Variants in AUTS2 observed in about 807,000 individuals in gnomAD.
AUTS2 encodes the protein activator of transcription and developmental regulator AUTS2.
Under a neutral mutation model 112.4 loss-of-function variants are expected in AUTS2, and 17 were observed. That is an observed-to-expected ratio of 0.15 (90% CI 0.10 to 0.23). The LOEUF is 0.23. Ranked by LOEUF, AUTS2 falls within the 10% of genes least tolerant of loss-of-function variation. The pLI, the probability that AUTS2 is intolerant of heterozygous loss-of-function variation, is 1.00. For missense variants in AUTS2, 1,510 were observed against 1,701.6 expected (o/e 0.89, Z 1.98); for synonymous variants, 751 against 702.7 (o/e 1.07, Z -1.09).
intron 1 of AUTS2, among the ~76,000 whole-genome samples, chr7:69,731,666 T>G (rs555406588): frequency 6.6e-6 from 1 of 152,380 alleles, no homozygotes; most frequent in South Asian, 2.1e-4. Context: ...TATTCATGGC[T>G]TCAAGAGGTT....
chr7:69,698,480 C>A (rs1044096324), intron 1 of AUTS2, among the ~76,000 whole-genome samples: 1 of 152,138 alleles, frequency 6.6e-6, no homozygotes, highest in African/African-American at 2.4e-5. Flanking sequence ...TGAGTGGCAG[C>A]CTGTCTACCA....
At chr7:70,630,111 A>G (rs1805179017) in intron 5 of AUTS2, among the ~76,000 whole-genome samples, 1 of 152,096 alleles carries the variant, frequency 6.6e-6, no homozygotes, top group African/African-American at 2.4e-5. Flanking sequence ...TGCAGAGGAA[A>G]GGGGTAGGGG....
intron 5 of AUTS2, 110 bp from the exon 6 acceptor site, chr7:70,698,459 G>A: frequency 1.0e-6 from 1 of 957,368 alleles, no homozygotes; most frequent in Non-Finnish European, 1.6e-6. Flanking sequence ...CTGCTTCCCT[G>A]CTAGGCTTTC....
At chr7:70,220,842 G>C (rs1421663412) in intron 4 of AUTS2, among the ~76,000 whole-genome samples, 1 of 152,072 alleles carries the variant, frequency 6.6e-6, no homozygotes, top group Non-Finnish European at 1.5e-5. Flanking sequence ...ACATATAGCA[G>C]TTTTAAAGAA....
chr7:70,076,373 A>G (rs186868855), intron 2 of AUTS2, among the ~76,000 whole-genome samples: 9 of 152,320 alleles, frequency 5.9e-5, no homozygotes, highest in African/African-American at 2.2e-4. Flanking sequence ...AATGAAACTA[A>G]TCTTTTTTTC....
intron 5 of AUTS2, among the ~76,000 whole-genome samples, chr7:70,619,572 A>AAG: frequency 6.6e-6 from 1 of 151,632 alleles, no homozygotes; most frequent in East Asian, 1.9e-4. Flanking sequence ...ATTAAAAAAA[A>AAG]AAAACAGCCA....
At chr7:70,688,038 C>A (rs1808557340) in intron 5 of AUTS2, among the ~76,000 whole-genome samples, 1 of 152,176 alleles carries the variant, frequency 6.6e-6, no homozygotes, top group Admixed American at 6.5e-5. Context: ...GTTCTCCATC[C>A]TAGGACCCTT....
At chr7:70,425,887 C>A (rs995866646) in intron 4 of AUTS2, among the ~76,000 whole-genome samples, 1 of 152,166 alleles carries the variant, frequency 6.6e-6, no homozygotes, top group Non-Finnish European at 1.5e-5. Flanking sequence ...TTGATTGCTT[C>A]CTATGTATCA....
chr7:70,752,094 CA>C (rs1788901641), intron 6 of AUTS2, among the ~76,000 whole-genome samples: 1 of 151,908 alleles, frequency 6.6e-6, no homozygotes, highest in African/African-American at 2.4e-5. Context: ...GTCATGTGAG[CA>C]CTTAGTTAAC....
intron 1 of AUTS2, among the ~76,000 whole-genome samples, chr7:69,748,574 T>C (rs1787985375): frequency 6.6e-6 from 1 of 152,192 alleles, no homozygotes; most frequent in African/African-American, 2.4e-5. Context: ...TAGGTAGAGA[T>C]AAAAGAGAAA....
chr7:69,685,033 T>TAA (rs902527560), intron 1 of AUTS2, among the ~76,000 whole-genome samples: 1 of 152,224 alleles, frequency 6.6e-6, no homozygotes, highest in Admixed American at 6.5e-5. Context: ...CTCTCCTGCT[T>TAA]AAAAACTTTA....
chr7:70,430,947 T>C (rs1223325850), intron 4 of AUTS2, among the ~76,000 whole-genome samples: 1 of 148,954 alleles, frequency 6.7e-6, no homozygotes, highest in African/African-American at 2.5e-5. Context: ...GCCATTCTCC[T>C]GCCTCAGCCT....
intron 5 of AUTS2, among the ~76,000 whole-genome samples, chr7:70,591,695 G>T (rs1238201296): frequency 1.3e-5 from 2 of 152,148 alleles, no homozygotes; most frequent in Admixed American, 6.5e-5. Flanking sequence ...CACCCCGCCT[G>T]CCCCGACTCT....
chr7:70,594,013 C>T (rs1042391904), intron 5 of AUTS2, among the ~76,000 whole-genome samples: 1 of 152,208 alleles, frequency 6.6e-6, no homozygotes, highest in African/African-American at 2.4e-5. Context: ...CTGGCCCAGG[C>T]AGCCCTCAGT....
intron 4 of AUTS2, among the ~76,000 whole-genome samples, chr7:70,194,502 G>T (rs938407629): frequency 6.6e-6 from 1 of 152,146 alleles, no homozygotes; most frequent in Non-Finnish European, 1.5e-5. Flanking sequence ...ATACTTTCTG[G>T]ACTAACCATA....
At chr7:70,292,389 C>T (rs970170324) in intron 4 of AUTS2, 1 of 152,342 alleles carries the variant, frequency 6.6e-6, no homozygotes. Context: ...AGGCCTGAGA[C>T]TTTCCGATAG....
chr7:69,765,080 T>A (rs10237145), intron 1 of AUTS2, among the ~76,000 whole-genome samples: 107,369 of 152,108 alleles, frequency 0.71, 37,948 homozygotes, highest in East Asian at 0.78. Context: ...CTCTTATCTC[T>A]TGATCTGCTG....
intron 3 of AUTS2, among the ~76,000 whole-genome samples, chr7:70,129,639 C>A (rs1371169738): frequency 6.6e-6 from 1 of 152,136 alleles, no homozygotes; most frequent in African/African-American, 2.4e-5. Context: ...GTAGTTCTTA[C>A]TTTAAAATGT....
intron 1 of AUTS2, among the ~76,000 whole-genome samples, chr7:69,830,055 A>G (rs1791432254): frequency 6.6e-6 from 1 of 152,226 alleles, no homozygotes; most frequent in Non-Finnish European, 1.5e-5. Context: ...CTGTGCAGCC[A>G]CAAAAAGGAA....
Sources: gnomAD v4.1 joint callset for allele counts (sites outside exome capture counted in the v4.1 genomes callset) on GRCh38, gnomAD v4.1.1 for gene constraint, MANE v1.5 for transcripts, NCBI Gene and HGNC (gene_info 2026-07-23, HGNC 2026-07-21) for gene names.